Variants in SEMA3E observed in about 807,000 individuals in gnomAD.
The protein encoded by SEMA3E is semaphorin 3E.
In SEMA3E, 49 loss-of-function variants were observed where a neutral mutation model predicts 93.6. The observed-to-expected ratio is 0.52, with a 90% confidence interval of 0.42 to 0.66. The LOEUF (loss-of-function observed/expected upper bound fraction) is 0.66, where lower values mean the gene tolerates loss of function less well. Among genes scored for constraint, SEMA3E ranks in the 30% least tolerant of loss-of-function variants. SEMA3E has a pLI of 0.00. For synonymous variants in SEMA3E, 363 were observed against 330.7 expected (o/e 1.10, Z -1.06); for missense variants, 906 against 964.8 (o/e 0.94, Z 0.81).
intron 1 of SEMA3E, among the ~76,000 whole-genome samples, chr7:83,590,794 T>C (rs1440731370): frequency 6.6e-6 from 1 of 152,120 alleles, no homozygotes; most frequent in African/African-American, 2.4e-5. Context: ...GGTGAAATCA[T>C]GGACAGTGCC....
At chr7:83,390,115 A>G (rs1459160703) in intron 14 of SEMA3E, among the ~76,000 whole-genome samples, 1 of 88,482 alleles carries the variant, frequency 1.1e-5, no homozygotes, top group Non-Finnish European at 2.4e-5. Context: ...GTGCACATAT[A>G]TGCGCGTATA....
chr7:83,389,436 G>A (rs2116922515), intron 14 of SEMA3E, among the ~76,000 whole-genome samples: 1 of 126,508 alleles, frequency 7.9e-6, no homozygotes, highest in South Asian at 2.3e-4. Context: ...AATAATTCTA[G>A]ATAAGCAATG....
chr7:83,463,881 C>A (rs1032357063), intron 4 of SEMA3E, among the ~76,000 whole-genome samples: 27 of 152,164 alleles, frequency 1.8e-4, no homozygotes, highest in African/African-American at 6.5e-4. Context: ...CCAGGACTGG[C>A]AAATTAGCTT....
intron 1 of SEMA3E, among the ~76,000 whole-genome samples, chr7:83,500,242 T>C (rs956638883): frequency 7.2e-5 from 11 of 152,092 alleles, no homozygotes; most frequent in Admixed American, 4.6e-4. Context: ...TCAAGACCAG[T>C]CTGGCCAATA....
chr7:83,408,614 G>A (rs1045637423), intron 5 of SEMA3E, 127 bp from the exon 6 acceptor site: 3 of 1,077,682 alleles, frequency 2.8e-6, no homozygotes, highest in Non-Finnish European at 4.1e-6. Flanking sequence ...GCTGTTAGGA[G>A]CATGGATGGT....
intron 1 of SEMA3E, among the ~76,000 whole-genome samples, chr7:83,640,585 C>A (rs1489338437): frequency 6.6e-6 from 1 of 152,100 alleles, no homozygotes; most frequent in African/African-American, 2.4e-5. Context: ...TGGATTTCAA[C>A]CAATTTTCAA....
At chr7:83,372,667 A>T (rs1263989115) in intron 16 of SEMA3E, 1 of 159,144 alleles carries the variant, frequency 6.3e-6, no homozygotes, top group African/African-American at 2.4e-5. Flanking sequence ...ATTGTCCTAC[A>T]TTGTTTATTT....
chr7:83,440,360 T>C (rs937215700), intron 4 of SEMA3E, among the ~76,000 whole-genome samples: 1 of 152,094 alleles, frequency 6.6e-6, no homozygotes, highest in Non-Finnish European at 1.5e-5. Flanking sequence ...AGGATGCTTT[T>C]CCTAAGGAAG....
chr7:83,611,099 T>G (rs2115582410), intron 1 of SEMA3E, among the ~76,000 whole-genome samples: 1 of 151,300 alleles, frequency 6.6e-6, no homozygotes, highest in African/African-American at 2.4e-5. Context: ...ACTACCTGTG[T>G]CAGCTACCTC....
intron 1 of SEMA3E, among the ~76,000 whole-genome samples, chr7:83,587,742 G>T (rs1028609484): frequency 6.6e-6 from 1 of 151,734 alleles, no homozygotes; most frequent in African/African-American, 2.4e-5. Flanking sequence ...TCAGAAAAAT[G>T]ACAGTATAAA....
chr7:83,531,716 C>T (rs566115362), intron 1 of SEMA3E, among the ~76,000 whole-genome samples: 116 of 152,276 alleles, frequency 7.6e-4, no homozygotes, highest in Middle Eastern at 6.8e-3. Flanking sequence ...GTTTGCATGA[C>T]ATTAACTTAT....
chr7:83,398,363 C>A (rs927289690), intron 11 of SEMA3E, among the ~76,000 whole-genome samples: 1 of 152,228 alleles, frequency 6.6e-6, no homozygotes, highest in Non-Finnish European at 1.5e-5. Flanking sequence ...CAGAAAAAAA[C>A]CGCAATTACT....
chr7:83,490,662 G>A (rs1486241171), intron 1 of SEMA3E, among the ~76,000 whole-genome samples: 1 of 151,908 alleles, frequency 6.6e-6, no homozygotes, highest in South Asian at 2.1e-4. Context: ...GAAAAATAAT[G>A]TTTCTACTTG....
intron 1 of SEMA3E, among the ~76,000 whole-genome samples, chr7:83,539,387 C>T (rs1186180570): frequency 1.3e-5 from 2 of 152,146 alleles, no homozygotes; most frequent in Non-Finnish European, 2.9e-5. Flanking sequence ...TGGTTGTAGG[C>T]AAGGGAGAGG....
At chr7:83,504,269 A>G (rs1277088481) in intron 1 of SEMA3E, among the ~76,000 whole-genome samples, 1 of 152,206 alleles carries the variant, frequency 6.6e-6, no homozygotes, top group Non-Finnish European at 1.5e-5. Context: ...GCAACTTTAT[A>G]ATCTTTTATA....
chr7:83,369,551 T>A (rs1431192191), intron 16 of SEMA3E, among the ~76,000 whole-genome samples: 1 of 151,932 alleles, frequency 6.6e-6, no homozygotes, highest in Non-Finnish European at 1.5e-5. Flanking sequence ...AATAAAAGAG[T>A]CTCCATAAGT....
intron 1 of SEMA3E, among the ~76,000 whole-genome samples, chr7:83,631,985 A>G (rs1051272882): frequency 7.9e-5 from 12 of 152,068 alleles, no homozygotes; most frequent in Non-Finnish European, 1.6e-4. Flanking sequence ...GAGAAACCCC[A>G]TCTCTACTAA....
At chr7:83,594,635 A>G (rs181703640) in intron 1 of SEMA3E, among the ~76,000 whole-genome samples, 28 of 152,204 alleles carry the variant, frequency 1.8e-4, no homozygotes, top group Admixed American at 1.7e-3. Context: ...GTACCAGATC[A>G]CATGTATGAT....
intron 1 of SEMA3E, among the ~76,000 whole-genome samples, chr7:83,570,854 T>A: frequency 6.7e-6 from 1 of 148,230 alleles, no homozygotes. Flanking sequence ...TCAGAAATGA[T>A]AAAAAGCCAT....
Sources: gnomAD v4.1 joint callset for allele counts (sites outside exome capture counted in the v4.1 genomes callset) on GRCh38, gnomAD v4.1.1 for gene constraint, MANE v1.5 for transcripts, NCBI Gene and HGNC (gene_info 2026-07-23, HGNC 2026-07-21) for gene names.